COG5: variants seen among roughly 807,000 people sequenced by gnomAD.
The protein encoded by COG5 is component of oligomeric golgi complex 5, also known as conserved oligomeric Golgi complex subunit 5.
COG5 carries 86 observed loss-of-function variants against 110.4 expected under a neutral mutation model. The observed-to-expected ratio is 0.78, with a 90% CI of 0.65 to 0.93. The LOEUF (loss-of-function observed/expected upper bound fraction) is 0.93. COG5 is among the 40% of genes least tolerant of loss of function. The pLI, the probability that COG5 is intolerant of heterozygous loss-of-function variation, is 0.00. For missense variants in COG5, 1,077 were observed against 987.0 expected (o/e 1.09, Z -1.22); for synonymous variants, 360 against 334.6 (o/e 1.08, Z -0.83).
intron 12 of COG5, among the ~76,000 whole-genome samples, chr7:107,286,617 T>A (rs1805653244): frequency 6.6e-6 from 1 of 152,226 alleles, no homozygotes; most frequent in Admixed American, 6.5e-5. Flanking sequence ...AAAATTCTAC[T>A]TGTGCAACTC....
At chr7:107,281,461 C>G in intron 13 of COG5, 62 bp from the exon 14 acceptor site, 1 of 1,246,884 alleles carries the variant, frequency 8.0e-7, no homozygotes, top group East Asian at 2.3e-5. Flanking sequence ...AAGTAAAGAG[C>G]AAGATAAAAA....
At chr7:107,481,318 C>T (rs1262026543) in intron 6 of COG5, among the ~76,000 whole-genome samples, 4 of 152,042 alleles carry the variant, frequency 2.6e-5, no homozygotes, top group African/African-American at 9.7e-5. Context: ...CTGCTTTTCC[C>T]TCAGACAGCT....
intron 10 of COG5, among the ~76,000 whole-genome samples, chr7:107,342,930 T>C (rs1177875422): frequency 5.3e-5 from 8 of 152,314 alleles, no homozygotes; most frequent in Admixed American, 3.9e-4. Flanking sequence ...ATGTTCATCA[T>C]AGTGCTATTC....
chr7:107,256,909 T>A, intron 15 of COG5, 115 bp from the exon 16 acceptor site: 1 of 729,074 alleles, frequency 1.4e-6, no homozygotes, highest in South Asian at 1.5e-5. Flanking sequence ...AATATTATCA[T>A]TGCTTTACAG....
chr7:107,521,825 A>G (rs1800338295), intron 6 of COG5, among the ~76,000 whole-genome samples: 2 of 152,262 alleles, frequency 1.3e-5, no homozygotes, highest in Admixed American at 1.3e-4. Context: ...GTAAAGACAC[A>G]TGCACATGTA....
intron 6 of COG5, among the ~76,000 whole-genome samples, chr7:107,455,258 AG>A (rs1272071150): frequency 6.6e-6 from 1 of 152,186 alleles, no homozygotes; most frequent in African/African-American, 2.4e-5. Flanking sequence ...TGAATGTGGA[AG>A]GGGAATCCAC....
Position 107,368,123 on chromosome 7 carries a change from GACTT to G in COG5, c.835+4468_835+4471del, listed in dbSNP as rs1813794456. On this transcript the variant is annotated intron_variant, in intron 8 of 21. Coordinates refer to ENST00000297135, the MANE Select transcript of COG5 (RefSeq NM_006348.5). ...CACATTTAGTAGTAAAGACTCAACA[GACTT>G]AGTAACAAATGACTTCAATTTCTTA... Among the ~76,000 whole-genome samples the G allele has an allele frequency of 2.6e-5, 4 of 151,946 alleles. No individual in the cohort carries two copies. The South Asian group carries it at 8.3e-4, about 32-fold the overall frequency.
At chr7:107,253,884 C>G (rs1211904055) in intron 16 of COG5, among the ~76,000 whole-genome samples, 1 of 152,094 alleles carries the variant, frequency 6.6e-6, no homozygotes, top group Non-Finnish European at 1.5e-5. Flanking sequence ...AGATTTTTGC[C>G]AAAATGTCTC....
chr7:107,235,311 T>G (rs146274609), intron 18 of COG5, among the ~76,000 whole-genome samples: 28 of 152,322 alleles, frequency 1.8e-4, no homozygotes, highest in Non-Finnish European at 2.9e-4. Context: ...GACATTAACA[T>G]TTATCTTTAT....
At chr7:107,307,626 G>A (rs1807841173) in intron 11 of COG5, among the ~76,000 whole-genome samples, 2 of 152,076 alleles carry the variant, frequency 1.3e-5, no homozygotes, top group Non-Finnish European at 2.9e-5. Flanking sequence ...TATAGCCACA[G>A]GAGGTCATTA....
At chr7:107,441,402 G>A (rs1794700346) in intron 6 of COG5, among the ~76,000 whole-genome samples, 1 of 152,040 alleles carries the variant, frequency 6.6e-6, no homozygotes, top group Non-Finnish European at 1.5e-5. Context: ...TTAGGGGATT[G>A]AGTCCTTAAC....
At chr7:107,308,680 G>C (rs536033373) in intron 11 of COG5, among the ~76,000 whole-genome samples, 2 of 151,302 alleles carry the variant, frequency 1.3e-5, no homozygotes, top group African/African-American at 2.4e-5. Flanking sequence ...ATGTTTGATC[G>C]TGTTCCTTTT....
intron 11 of COG5, among the ~76,000 whole-genome samples, chr7:107,316,955 A>T (rs1222052664): frequency 6.6e-6 from 1 of 152,162 alleles, no homozygotes; most frequent in Non-Finnish European, 1.5e-5. Flanking sequence ...TTTAAATTTG[A>T]ATCATTAAAT....
At chr7:107,217,797 G>A (rs1799630339) in intron 19 of COG5, among the ~76,000 whole-genome samples, 1 of 152,056 alleles carries the variant, frequency 6.6e-6, no homozygotes, top group African/African-American at 2.4e-5. Context: ...TCTAAGATCA[G>A]GAACAAGACA....
At position 107,559,886 on chromosome 7, in the gene COG5, C is replaced by T. The variant is rs554612148; in HGVS notation, c.95-1771G>A. On this transcript the variant is annotated intron_variant, in intron 1 of 21. Coordinates refer to ENST00000297135, the MANE Select transcript of COG5 (RefSeq NM_006348.5). ...TAAATCATAGCACATGTATATTGGA[C>T]AGAAATGGTAAAGAATGACAGATGT... Among the ~76,000 whole-genome samples the T allele has an allele frequency of 2.0e-5, 3 of 152,286 alleles. No homozygotes were observed. The East Asian group carries it at 5.8e-4, about 29-fold the overall frequency.
chr7:107,337,442 GAATACT>G (rs111757376), intron 10 of COG5, among the ~76,000 whole-genome samples: 60 of 152,286 alleles, frequency 3.9e-4, no homozygotes, highest in African/African-American at 1.4e-3. Flanking sequence ...ATACACAATG[GAATACT>G]ACTTGGCCAC....
intron 10 of COG5, among the ~76,000 whole-genome samples, chr7:107,331,213 C>T (rs137931684): frequency 0.015 from 2,236 of 152,156 alleles, 52 homozygotes; most frequent in African/African-American, 0.052. Flanking sequence ...CGGTGGCTCA[C>T]GCCTGTAATC....
intron 10 of COG5, among the ~76,000 whole-genome samples, chr7:107,348,421 T>TA (rs1174954967): frequency 6.6e-6 from 1 of 152,194 alleles, no homozygotes. Flanking sequence ...CATATGGGCC[T>TA]ACTAGTTTCT....
intron 5 of COG5, among the ~76,000 whole-genome samples, chr7:107,547,775 C>T (rs1802553064): frequency 1.3e-5 from 2 of 150,758 alleles, no homozygotes; most frequent in Middle Eastern, 6.8e-3. Context: ...AATCCCATTT[C>T]CCATTTACAA....
Sources: gnomAD v4.1 joint callset for allele counts (sites outside exome capture counted in the v4.1 genomes callset) on GRCh38, gnomAD v4.1.1 for gene constraint, MANE v1.5 for transcripts, NCBI Gene and HGNC (gene_info 2026-07-23, HGNC 2026-07-21) for gene names.